The following NOC2L variants were observed in gnomAD, a reference collection of about 807,000 sequenced individuals.
The protein encoded by NOC2L is nucleolar complex protein 2 homolog.
In NOC2L, 101 loss-of-function variants were observed where a neutral mutation model predicts 94.2. The ratio of observed to expected loss-of-function variants is 1.07; its 90% CI spans 0.91 to 1.26. NOC2L has a LOEUF of 1.26. Among genes scored for constraint, NOC2L ranks in the 50% most tolerant of loss-of-function variants. NOC2L has a pLI of 0.00. For synonymous variants in NOC2L, 531 were observed against 413.4 expected (o/e 1.28, Z -3.45); for missense variants, 1,076 against 980.1 (o/e 1.10, Z -1.31).
intron 12 of NOC2L, among the ~76,000 whole-genome samples, chr1:950,613 G>A (rs1030903709): frequency 6.6e-6 from 1 of 152,066 alleles, no homozygotes. Context: ...AGGCATTCAT[G>A]GATACACGTG....
chr1:951,301 G>T, intron 11 of NOC2L, 63 bp from the exon 12 acceptor site: 1 of 1,288,184 alleles, frequency 7.8e-7, no homozygotes, highest in South Asian at 1.3e-5. Context: ...CCCTCCCCCT[G>T]CTGTCTTGGA....
chr1:959,039 G>C lies in NOC2L; in HGVS notation c.69C>G (p.Gly23=). ...ACTCGGATTCGGACTCGGAGTCAAAGCCCGAAGCTAGGAACTCGTCCACCG... is the reference window on the plus strand; with the variant it reads ...ACTCGGATTCGGACTCGGAGTCAAACCCCGAAGCTAGGAACTCGTCCACCG... ...ELTVDEFLAS[G]FDSESESESE... is the part of the protein sequence containing the mutation. The change falls in exon 2 of 19, where the codon GGC becomes GGG. Residue 23 remains glycine, a synonymous_variant. Coordinates refer to ENST00000327044, the MANE Select transcript of NOC2L (RefSeq NM_015658.4). 2 of 1,611,624 alleles carry C rather than the reference G, an allele frequency of 1.2e-6. No homozygotes were observed. The highest frequency in any genetic ancestry group is 1.7e-5 in the Admixed American group (1 of 59,972).
In NOC2L at chr1:952,126, G is replaced by A. The variant is rs1348268193; in HGVS notation, c.1205C>T (p.Ser402Phe). The A allele has an allele frequency of 6.8e-6, 11 of 1,613,616 alleles. No individual in the cohort carries two copies. The highest frequency in any genetic ancestry group is 1.7e-5 in the Admixed American group (1 of 60,024). The change falls in exon 11 of 19, where the codon TCT (serine) becomes TTT (phenylalanine). Residue 402 changes from serine to phenylalanine, a missense_variant. Transcript: ENST00000327044. Reference sequence around the variant, plus strand: ...GTGCACATACTGCCAGTTGTACACAGACTGGTATGTTTCCTGGTCAGAGAG... The same window carrying A: ...GTGCACATACTGCCAGTTGTACACAAACTGGTATGTTTCCTGGTCAGAGAG... ...MTTRKKETYQSVYNWQYVHCL... is the reference protein window; with the variant it reads ...MTTRKKETYQFVYNWQYVHCL...
intron 14 of NOC2L, chr1:946,861 C>A: frequency 4.4e-6 from 1 of 225,954 alleles, no homozygotes; most frequent in South Asian, 7.2e-5. Context: ...AGTTCAAGAC[C>A]AGCCTGGCCA....
At chr1:957,852 A>C in intron 2 of NOC2L, 1 of 157,784 alleles carries the variant, frequency 6.3e-6, no homozygotes, top group Admixed American at 6.0e-5. Flanking sequence ...CTGGCTCTTC[A>C]TCACCCTTCT....
rs1159914700 is a variant in NOC2L at position 945,051 on chromosome 1, A to G, written c.2143+6T>C. On this transcript the variant is annotated splice_donor_region_variant and intron_variant, in intron 18 of 18. Coordinates refer to ENST00000327044, the MANE Select transcript of NOC2L (RefSeq NM_015658.4). ...GGCCACACCCTCTCACCCCAAGACCATTCACCCTCCGAGTTGCTGCTGTCC... is the reference window on the plus strand; with the variant it reads ...GGCCACACCCTCTCACCCCAAGACCGTTCACCCTCCGAGTTGCTGCTGTCC... 3 of 1,613,846 alleles carry G rather than the reference A, an allele frequency of 1.9e-6. No homozygotes were observed. Among genetic ancestry groups the G allele is most frequent in the Admixed American group, 3.3e-5 (2 of 60,004 alleles).
At position 951,641 on chromosome 1, in the gene NOC2L, A is replaced by G. The variant is rs149863024; in HGVS notation, c.1331+359T>C. Among the ~76,000 whole-genome samples, 262 of 152,284 alleles carry G rather than the reference A, an allele frequency of 1.7e-3. 1 individual carries two copies. The highest frequency in any genetic ancestry group is 6.1e-3 in the African/African-American group (253 of 41,552). ...GCCCCTACCGTGCCTGGACCCTCCT[A>G]AGCGCTCACACCCAAAATGCAGTTC... On this transcript the variant is annotated intron_variant, in intron 11 of 18. Coordinates refer to ENST00000327044, the MANE Select transcript of NOC2L (RefSeq NM_015658.4).
At position 944,814 on chromosome 1, in the gene NOC2L, T is replaced by C. The variant is rs1557614025; in HGVS notation, c.2144-14A>G. 1.3e-6 allele frequency: 2 copies of C among 1,529,122 alleles called. No homozygotes were observed. Among genetic ancestry groups the C allele is most frequent in the East Asian group, 2.3e-5 (1 of 44,030 alleles). The allele number at this position is 1,529,122 out of a possible 1,614,324, so 94.7% of individuals were successfully genotyped here. ...CTGGGTCTCCATCTGCGGGGAGAGATGGAGGCTACATAAATTTTGCTTTAT... is the reference window on the plus strand; with the variant it reads ...CTGGGTCTCCATCTGCGGGGAGAGACGGAGGCTACATAAATTTTGCTTTAT... On this transcript the variant is annotated splice_polypyrimidine_tract_variant and intron_variant, in intron 18 of 18. Transcript: ENST00000327044.
rs1642284956 is a variant in NOC2L, at chr1:952,431, G to GCGTT, written c.1168_1171dup (p.Ala391GlufsTer208). 1.9e-6 allele frequency: 3 copies of GCGTT among 1,613,532 alleles called. No individual in the cohort carries two copies. The highest frequency in any genetic ancestry group is 2.5e-6 in the Non-Finnish European group (3 of 1,179,974). On this transcript the variant is annotated frameshift_variant, in exon 10 of 19. Transcript: ENST00000327044. LOFTEE classifies it high-confidence loss of function. ...ACACACCTTCTTGCGAGTGGTCATG[G>GCGTT]CGTTGCGCAGGTGTATGGCGAGCTG...
chr1:951,974 A>G (rs1256325033), intron 11 of NOC2L, 26 bp downstream of exon 11: 7 of 1,601,862 alleles, frequency 4.4e-6, no homozygotes, highest in Non-Finnish European at 5.1e-6. Context: ...ACCCTCCCGC[A>G]CAACCCTGCC....
Position 945,593 on chromosome 1 carries a change from C to G in NOC2L, c.1978G>C (p.Asp660His). 1 of 1,613,992 alleles carries G rather than the reference C, an allele frequency of 6.2e-7. No homozygotes were observed. Among genetic ancestry groups the G allele is most frequent in the South Asian group, 1.1e-5 (1 of 91,080 alleles). Residue 660 changes from aspartate to histidine, a missense_variant, in exon 17 of 19, where the codon GAC (aspartate) becomes CAC (histidine). Asp to His is a moderately conservative substitution (Grantham distance 81, BLOSUM62 -1). This residue lies in a region of NOC2L where 615 missense variants were observed against 577.4 expected (regional missense o/e 1.07). Transcript: ENST00000327044. ...RRKMADRKDE[D>H]RKQFKDLFDL... ...AAGAGGTCTTTAAATTGCTTCCTGT[C>G]CTCATCCTTCCTGTCAGCCATCTTC...
intron 1 of NOC2L, 46 bp from the exon 2 acceptor site, chr1:959,127 C>G (rs567659310): frequency 1.2e-6 from 2 of 1,611,660 alleles, no homozygotes; most frequent in South Asian, 1.1e-5. Context: ...CCCAGCTCGC[C>G]CCAGCCCCGC....
rs909309836 is a variant in NOC2L at position 946,625 on chromosome 1, G to A, written c.1660-80C>T. The A allele has an allele frequency of 9.8e-6, 15 of 1,530,528 alleles. 1 individual carries two copies. The highest frequency in any genetic ancestry group is 9.1e-5 in the East Asian group (4 of 44,048). 94.8% of individuals were successfully genotyped at this position (1,530,528 alleles called of 1,614,324 possible). ...TGGCCCAGGTCCTGTGCAAAACCAC[G>A]CGTGGTGGCCACGGGGATACCCCAG... On this transcript the variant is annotated intron_variant, in intron 14 of 18. Transcript: ENST00000327044.
intron 6 of NOC2L, among the ~76,000 whole-genome samples, chr1:955,598 TA>T (rs561458080): frequency 3.7e-4 from 57 of 152,284 alleles, no homozygotes; most frequent in African/African-American, 1.3e-3. Context: ...GGACAGGACT[TA>T]CAAGTTCTTA....
chr1:959,004 G>A lies in NOC2L; in HGVS notation c.104C>T (p.Ser35Phe), dbSNP rs1642501939. 6.2e-7 allele frequency: 1 copy of A among 1,612,734 alleles called. No individual in the cohort carries two copies. The highest frequency in any genetic ancestry group is 8.5e-7 in the Non-Finnish European group (1 of 1,179,940). The change falls in exon 2 of 19, where the codon TCT (serine) becomes TTT (phenylalanine). Residue 35 changes from serine (S) to phenylalanine (F), a missense_variant. Physicochemically the swap from Ser to Phe is radical, Grantham distance 155 (BLOSUM62 -2). This residue lies in a region of NOC2L where 457 missense variants were observed against 386.0 expected (regional missense o/e 1.18). Transcript: ENST00000327044. Reference protein sequence around the residue: ...DSESESESENSPQAETREARE... With the variant: ...DSESESESENFPQAETREARE... ...TGCTTCCCGTGTCTCCGCTTGTGGAGAATTTTCGGACTCGGATTCGGACTC... is the reference window on the plus strand; with the variant it reads ...TGCTTCCCGTGTCTCCGCTTGTGGAAAATTTTCGGACTCGGATTCGGACTC...
intron 16 of NOC2L, 112 bp from the exon 17 acceptor site, chr1:945,765 G>C: frequency 2.3e-6 from 3 of 1,324,772 alleles, no homozygotes; most frequent in Non-Finnish European, 3.2e-6. Context: ...CCAATTTCTA[G>C]TCCCCTCTGT....
Position 945,584 on chromosome 1 carries a change from G to C in NOC2L, c.1987C>G (p.Gln663Glu). The C allele has an allele frequency of 6.2e-7, 1 of 1,614,082 alleles. No individual in the cohort carries two copies. The highest frequency in any genetic ancestry group is 8.5e-7 in the Non-Finnish European group (1 of 1,179,956). Residue 663 changes from glutamine (Q) to glutamate (E), a missense_variant, in exon 17 of 19, where the codon CAA (glutamine) becomes GAA (glutamate). Gln to Glu is a conservative substitution (Grantham distance 29). Around this residue, in one of 3 missense-constraint regions of NOC2L, gnomAD observed 615 missense variants for 577.4 expected, o/e 1.07. Coordinates refer to ENST00000327044, the MANE Select transcript of NOC2L (RefSeq NM_015658.4). ...TTCAGGTCAAAGAGGTCTTTAAATTGCTTCCTGTCCTCATCCTTCCTGTCA... is the reference window on the plus strand; with the variant it reads ...TTCAGGTCAAAGAGGTCTTTAAATTCCTTCCTGTCCTCATCCTTCCTGTCA... ...MADRKDEDRK[Q>E]FKDLFDLNSS...
Sources: gnomAD v4.1 joint callset for allele counts (sites outside exome capture counted in the v4.1 genomes callset) on GRCh38, gnomAD v4.1.1 for gene constraint, gnomAD v4.1.1 regional missense constraint, MANE v1.5 for transcripts, NCBI Gene and HGNC (gene_info 2026-07-23, HGNC 2026-07-21) for gene names.